DPY19L1: variants seen among roughly 807,000 people sequenced by gnomAD.
DPY19L1 encodes protein C-mannosyl-transferase DPY19L1.
A neutral mutation model predicts 96.9 loss-of-function variants in DPY19L1; 35 were observed. That is an observed-to-expected ratio of 0.36 (90% confidence interval 0.28 to 0.48). DPY19L1 has a LOEUF of 0.48. DPY19L1 is among the 20% of genes least tolerant of loss of function. The pLI is 0.99. For synonymous variants in DPY19L1, 205 were observed against 252.6 expected (o/e 0.81, Z 1.79); for missense variants, 521 against 777.9 (o/e 0.67, Z 3.93).
chr7:34,949,963 T>C lies in DPY19L1; in HGVS notation c.1321-65A>G, dbSNP rs552603930. On this transcript the variant is annotated intron_variant, in intron 13 of 21. Coordinates refer to ENST00000638088, the MANE Select transcript of DPY19L1 (RefSeq NM_001366673.1). ...CTGCAATAATATATTTTAATTTCAATAGTATCTGAAAATAGTTTTCATTAC... is the reference window on the plus strand; with the variant it reads ...CTGCAATAATATATTTTAATTTCAACAGTATCTGAAAATAGTTTTCATTAC... 8 of 858,616 alleles carry C rather than the reference T, an allele frequency of 9.3e-6. No individual in the cohort carries two copies. In the East Asian group the frequency reaches 1.2e-4, roughly 13 times the overall value. The allele number at this position is 858,616 out of a possible 1,614,324, so 53.2% of individuals were successfully genotyped here.
chr7:34,947,988 C>T (rs954778853), intron 14 of DPY19L1, among the ~76,000 whole-genome samples: 2 of 152,074 alleles, frequency 1.3e-5, no homozygotes, highest in African/African-American at 4.8e-5. Context: ...ACTAGAGAGA[C>T]CAACTTAATA....
intron 10 of DPY19L1, 104 bp downstream of exon 10, chr7:34,966,790 T>C: frequency 9.3e-7 from 1 of 1,074,554 alleles, no homozygotes; most frequent in Non-Finnish European, 1.3e-6. Context: ...ACATTTGTTT[T>C]AGTTATGAAA....
intron 10 of DPY19L1, among the ~76,000 whole-genome samples, chr7:34,966,585 C>T (rs890897444): frequency 1.5e-4 from 23 of 152,156 alleles, no homozygotes; most frequent in South Asian, 4.1e-4. Flanking sequence ...GCCACCATGT[C>T]GGGCCCTTCT....
chr7:35,000,832 T>TA (rs1225098238), intron 6 of DPY19L1: 1 of 152,240 alleles, frequency 6.6e-6, no homozygotes, highest in Non-Finnish European at 1.5e-5. Context: ...GAAATATAAA[T>TA]ACCACTTACT....
rs761964134 is a variant in DPY19L1, at chr7:34,949,914, G to A, written c.1321-16C>T. On this transcript the variant is annotated splice_polypyrimidine_tract_variant and intron_variant, in intron 13 of 21. Coordinates refer to ENST00000638088, the MANE Select transcript of DPY19L1 (RefSeq NM_001366673.1). Reference sequence around the variant, plus strand: ...CAATATGAGCCTGGTAAGAAATAAAGTTACCATTATATTAAGCCATACACT... The same window carrying A: ...CAATATGAGCCTGGTAAGAAATAAAATTACCATTATATTAAGCCATACACT... The A allele has an allele frequency of 2.5e-5, 34 of 1,375,238 alleles. No homozygotes were observed. In the South Asian group the frequency reaches 3.9e-4, roughly 16 times the overall value. 85.2% of individuals were successfully genotyped at this position (1,375,238 alleles called of 1,614,324 possible).
intron 7 of DPY19L1, among the ~76,000 whole-genome samples, chr7:34,978,820 C>A (rs964157985): frequency 1.3e-5 from 2 of 151,996 alleles, no homozygotes; most frequent in Non-Finnish European, 2.9e-5. Flanking sequence ...ATCTGAAATG[C>A]TCCAATGAGA....
At chr7:35,026,356 T>C (rs905822530) in intron 1 of DPY19L1, among the ~76,000 whole-genome samples, 5 of 152,148 alleles carry the variant, frequency 3.3e-5, no homozygotes, top group African/African-American at 1.2e-4. Context: ...TAAAGAGCAG[T>C]GTCTCAACAC....
chr7:34,953,594 C>T (rs1784313517), intron 13 of DPY19L1, among the ~76,000 whole-genome samples: 1 of 152,158 alleles, frequency 6.6e-6, no homozygotes, highest in Non-Finnish European at 1.5e-5. Flanking sequence ...CTTTATTACA[C>T]TGTATTGTAA....
At chr7:34,987,704 A>G (rs1302580832) in intron 7 of DPY19L1, among the ~76,000 whole-genome samples, 1 of 152,110 alleles carries the variant, frequency 6.6e-6, no homozygotes, top group Non-Finnish European at 1.5e-5. Flanking sequence ...CACTAAATAC[A>G]TAAATAGGTA....
intron 10 of DPY19L1, among the ~76,000 whole-genome samples, chr7:34,959,247 C>T (rs533535881): frequency 3.3e-5 from 5 of 152,236 alleles, no homozygotes; most frequent in South Asian, 2.1e-4. Flanking sequence ...GAAATAGGAA[C>T]GCTTTTACAG....
chr7:34,967,093 C>G, intron 9 of DPY19L1, 122 bp from the exon 10 acceptor site: 1 of 638,042 alleles, frequency 1.6e-6, no homozygotes, highest in South Asian at 3.0e-5. Flanking sequence ...CTTCTGTTTT[C>G]CTTTTATCTG....
intron 7 of DPY19L1, among the ~76,000 whole-genome samples, chr7:34,980,738 G>T (rs1784922804): frequency 6.6e-6 from 1 of 151,968 alleles, no homozygotes; most frequent in African/African-American, 2.4e-5. Context: ...CCATAATAAG[G>T]TACCATTTCA....
chr7:35,000,713 T>G (rs537493817), intron 6 of DPY19L1: 2 of 152,304 alleles, frequency 1.3e-5, no homozygotes, highest in East Asian at 3.9e-4. Context: ...GGAAATGAAT[T>G]ATTACAGAAC....
At chr7:34,990,242 A>AT (rs1223644045) in intron 6 of DPY19L1, among the ~76,000 whole-genome samples, 7 of 152,204 alleles carry the variant, frequency 4.6e-5, no homozygotes, top group African/African-American at 1.7e-4. Context: ...ACGCAACCTG[A>AT]TATTTCTTTT....
intron 6 of DPY19L1, among the ~76,000 whole-genome samples, chr7:35,005,636 TAAAAAAAA>T (rs755623073): frequency 6.4e-4 from 54 of 84,458 alleles, no homozygotes; most frequent in Admixed American, 9.3e-4. Context: ...CTGTCTCTAC[TAAAAAAAA>T]AAAAAAAAAA....
chr7:35,035,887 T>G lies in DPY19L1; in HGVS notation c.298+1210A>C, dbSNP rs144058790. Among the ~76,000 whole-genome samples the G allele has an allele frequency of 3.9e-3, 578 of 149,800 alleles. 6 individuals are homozygous for G. Among genetic ancestry groups the G allele is most frequent in the African/African-American group, 0.012 (494 of 40,824 alleles). ...TTTCTAACCTGCATACTAGCCAGCT[T>G]TTCAAGCTTGCTACTGAGATAAAAA... On this transcript the variant is annotated intron_variant, in intron 1 of 21. Transcript: ENST00000638088.
chr7:34,970,484 T>C (rs1407469609), intron 8 of DPY19L1, among the ~76,000 whole-genome samples: 1 of 152,196 alleles, frequency 6.6e-6, no homozygotes, highest in Non-Finnish European at 1.5e-5. Flanking sequence ...TATATCCTAC[T>C]TACGAGGGGT....
At chr7:34,952,114 TA>T (rs150497259) in intron 13 of DPY19L1, among the ~76,000 whole-genome samples, 6 of 107,858 alleles carry the variant, frequency 5.6e-5, no homozygotes, top group Admixed American at 8.3e-5. Context: ...GTAGGAAAAA[TA>T]AAAAAAAAGA....
intron 7 of DPY19L1, among the ~76,000 whole-genome samples, chr7:34,982,626 G>A (rs1352849305): frequency 6.6e-6 from 1 of 152,208 alleles, no homozygotes; most frequent in African/African-American, 2.4e-5. Context: ...ATCACACCTG[G>A]GAACAACTGC....
Sources: allele counts gnomAD v4.1 joint callset (sites outside exome capture counted in the v4.1 genomes callset), GRCh38; gene constraint gnomAD v4.1.1; transcripts MANE v1.5; gene names NCBI Gene and HGNC (gene_info 2026-07-23, HGNC 2026-07-21).